The following ZNRF1 variants were observed in gnomAD, a reference collection of about 807,000 sequenced individuals.
The protein encoded by ZNRF1 is E3 ubiquitin-protein ligase ZNRF1.
ZNRF1 carries 3 observed loss-of-function variants against 18.4 expected under a neutral mutation model. That is an observed-to-expected ratio of 0.16 (90% CI 0.07 to 0.42). ZNRF1 has a LOEUF of 0.42. ZNRF1 is among the 10% of genes least tolerant of loss of function. The pLI is 0.99. For synonymous variants in ZNRF1, 157 were observed against 144.2 expected (o/e 1.09, Z -0.64); for missense variants, 310 against 329.8 (o/e 0.94, Z 0.47).
intron 2 of ZNRF1, among the ~76,000 whole-genome samples, chr16:75,103,749 G>C (rs2036279296): frequency 6.6e-6 from 1 of 152,198 alleles, no homozygotes; most frequent in African/African-American, 2.4e-5. Context: ...CACTTTGGGA[G>C]GCCAAGGTGG....
At chr16:75,029,886 T>C (rs1417460128) in intron 1 of ZNRF1, among the ~76,000 whole-genome samples, 1 of 151,632 alleles carries the variant, frequency 6.6e-6, no homozygotes, top group Non-Finnish European at 1.5e-5. Context: ...ACTACAAAAA[T>C]TAGCCAGGTG....
intron 1 of ZNRF1, among the ~76,000 whole-genome samples, chr16:75,057,435 A>T (rs762668313): frequency 7.9e-5 from 12 of 152,052 alleles, no homozygotes; most frequent in Non-Finnish European, 1.6e-4. Context: ...TTAAGAAGCA[A>T]TTTATTCCTT....
intron 1 of ZNRF1, among the ~76,000 whole-genome samples, chr16:75,059,225 CTTTCTTTTT>C (rs2035708580): frequency 1.0e-5 from 1 of 97,308 alleles, no homozygotes; most frequent in Non-Finnish European, 2.1e-5. Context: ...TTCCTTCTTT[CTTTCTTTTT>C]TTTTTTTTTT....
chr16:75,053,686 C>T (rs988577744), intron 1 of ZNRF1, among the ~76,000 whole-genome samples: 11 of 152,032 alleles, frequency 7.2e-5, no homozygotes, highest in Non-Finnish European at 1.2e-4. Flanking sequence ...AGATGTGCCC[C>T]ATGCTGTAAA....
intron 1 of ZNRF1, among the ~76,000 whole-genome samples, chr16:75,031,848 G>A (rs1056067692): frequency 7.9e-5 from 12 of 151,874 alleles, no homozygotes; most frequent in African/African-American, 2.4e-4. Flanking sequence ...ACTGTGTCGA[G>A]TCAATTCTGC....
At chr16:75,077,150 T>G (rs549671148) in intron 1 of ZNRF1, among the ~76,000 whole-genome samples, 2 of 152,310 alleles carry the variant, frequency 1.3e-5, no homozygotes, top group South Asian at 4.1e-4. Flanking sequence ...CTCAGCACTT[T>G]GGGAGGCCAA....
chr16:75,104,948 A>G (rs2036297016), intron 3 of ZNRF1, 59 bp downstream of exon 3: 1 of 1,359,440 alleles, frequency 7.4e-7, no homozygotes. Flanking sequence ...GCGGACCCCC[A>G]TCTCCAGCCA....
chr16:75,062,655 A>G (rs974280979), intron 1 of ZNRF1, among the ~76,000 whole-genome samples: 8 of 152,086 alleles, frequency 5.3e-5, no homozygotes, highest in Non-Finnish European at 1.2e-4. Context: ...GTCTTTCATG[A>G]CTTTGTGAGA....
intron 1 of ZNRF1, among the ~76,000 whole-genome samples, chr16:75,019,525 A>G (rs943002617): frequency 1.3e-5 from 2 of 152,184 alleles, no homozygotes; most frequent in Non-Finnish European, 2.9e-5. Flanking sequence ...GGCATACTAC[A>G]CAGTCAGTTT....
At chr16:75,019,229 T>A (rs2035111964) in intron 1 of ZNRF1, among the ~76,000 whole-genome samples, 1 of 151,930 alleles carries the variant, frequency 6.6e-6, no homozygotes, top group South Asian at 2.1e-4. Context: ...TTTTTTTTTG[T>A]AGAGACTACT....
At chr16:75,083,626 C>G (rs1379224523) in intron 1 of ZNRF1, among the ~76,000 whole-genome samples, 6 of 152,106 alleles carry the variant, frequency 3.9e-5, no homozygotes, top group African/African-American at 1.4e-4. Context: ...TGACAAGTGC[C>G]TAGATTGCAG....
chr16:75,101,842 A>G (rs768953254), intron 2 of ZNRF1, among the ~76,000 whole-genome samples: 2 of 152,232 alleles, frequency 1.3e-5, no homozygotes, highest in Non-Finnish European at 2.9e-5. Context: ...TTGAATATGT[A>G]TGGTAGCTAG....
chr16:75,022,287 A>G (rs1202986865), intron 1 of ZNRF1, among the ~76,000 whole-genome samples: 5 of 150,644 alleles, frequency 3.3e-5, no homozygotes, highest in Admixed American at 6.7e-5. Context: ...TAATTGGCTG[A>G]GCGAGGTGGC....
chr16:75,046,052 A>G lies in ZNRF1; in HGVS notation c.424+45957A>G, dbSNP rs193268758. 1.8e-3 allele frequency among the ~76,000 whole-genome samples: 269 copies of G among 146,082 alleles called. No individual in the cohort carries two copies. In the Middle Eastern group the frequency reaches 0.028, roughly 15 times the overall value. ...CAAGTAGCTGGGATTACAGGCACGCACCACCATGCCTGGCTAATTTTTTTT... is the reference window on the plus strand; with the variant it reads ...CAAGTAGCTGGGATTACAGGCACGCGCCACCATGCCTGGCTAATTTTTTTT... On this transcript the variant is annotated intron_variant, in intron 1 of 4. Coordinates refer to ENST00000335325, the MANE Select transcript of ZNRF1 (RefSeq NM_032268.5).
At chr16:75,006,124 G>A (rs1383486707) in intron 1 of ZNRF1, among the ~76,000 whole-genome samples, 1 of 152,204 alleles carries the variant, frequency 6.6e-6, no homozygotes, top group African/African-American at 2.4e-5. Flanking sequence ...ACCCATGCAT[G>A]TAGGGTGGTG....
At chr16:75,057,019 G>A (rs1269923751) in intron 1 of ZNRF1, among the ~76,000 whole-genome samples, 1 of 152,184 alleles carries the variant, frequency 6.6e-6, no homozygotes, top group Non-Finnish European at 1.5e-5. Flanking sequence ...TTCTTGGGTA[G>A]TTGGTATTAC....
intron 2 of ZNRF1, among the ~76,000 whole-genome samples, chr16:75,100,923 A>G (rs1453067825): frequency 6.6e-6 from 1 of 152,168 alleles, no homozygotes; most frequent in East Asian, 1.9e-4. Context: ...AAAAATGTCA[A>G]ACACACAGCA....
intron 1 of ZNRF1, among the ~76,000 whole-genome samples, chr16:75,057,933 C>T (rs1223774046): frequency 1.3e-5 from 2 of 152,180 alleles, no homozygotes; most frequent in African/African-American, 4.8e-5. Context: ...TGAGCCACCA[C>T]GCCCACCCAG....
intron 1 of ZNRF1, among the ~76,000 whole-genome samples, chr16:75,061,473 A>G (rs1432323196): frequency 3.9e-5 from 2 of 51,058 alleles, no homozygotes; most frequent in African/African-American, 6.3e-5. Flanking sequence ...ATGTTGTTGC[A>G]GATTACTGGA....
Sources: gnomAD v4.1 joint callset for allele counts (sites outside exome capture counted in the v4.1 genomes callset) on GRCh38, gnomAD v4.1.1 for gene constraint, MANE v1.5 for transcripts, NCBI Gene and HGNC (gene_info 2026-07-23, HGNC 2026-07-21) for gene names.